Variants in MBTPS1 observed in about 807,000 individuals in gnomAD.
The protein encoded by MBTPS1 is membrane-bound transcription factor site-1 protease.
In MBTPS1, 94 loss-of-function variants were observed where a neutral mutation model predicts 127.8. The observed-to-expected ratio is 0.74, with a 90% CI of 0.62 to 0.87. The LOEUF is 0.87. Among genes scored for constraint, MBTPS1 ranks in the 40% least tolerant of loss-of-function variants. The pLI is 0.00. For missense variants in MBTPS1, 1,636 were observed against 1,353.2 expected, an observed-to-expected ratio of 1.21 and a Z score of -3.28; for synonymous variants, 632 against 509.4, an observed-to-expected ratio of 1.24 and a Z score of -3.24.
intron 6 of MBTPS1, 101 bp from the exon 7 acceptor site, chr16:84,091,949 T>C: frequency 1.4e-6 from 1 of 725,474 alleles, no homozygotes; most frequent in Non-Finnish European, 2.4e-6. Context: ...CAAGTAGTTC[T>C]CTTAATTTTT....
intron 21 of MBTPS1, 44 bp downstream of exon 21, chr16:84,059,258 A>G: frequency 1.3e-6 from 2 of 1,582,878 alleles, no homozygotes; most frequent in Non-Finnish European, 1.7e-6. Flanking sequence ...GCAATGACTC[A>G]CAAGCCCCGT....
rs1170975896 is a variant in MBTPS1, at chr16:84,112,210, T to A, written c.-325+4525A>T. 2.0e-5 allele frequency among the ~76,000 whole-genome samples: 3 copies of A among 151,394 alleles called. No individual in the cohort carries two copies. In the South Asian group the frequency reaches 6.3e-4, roughly 32 times the overall value. ...GAGAGACTGTCTCAAATGGAAACAA[T>A]GACAACAAAAAAAACCACTGAAAGA... On this transcript the variant is annotated intron_variant, in intron 1 of 22. Coordinates refer to ENST00000343411, the MANE Select transcript of MBTPS1 (RefSeq NM_003791.4).
At chr16:84,066,400 C>G in intron 17 of MBTPS1, 89 bp downstream of exon 17, 1 of 1,367,922 alleles carries the variant, frequency 7.3e-7, no homozygotes, top group Non-Finnish European at 9.9e-7. Flanking sequence ...GAGGGATCAC[C>G]ATTCTCTTTC....
intron 1 of MBTPS1, among the ~76,000 whole-genome samples, chr16:84,106,779 G>A: frequency 6.6e-6 from 1 of 152,192 alleles, no homozygotes; most frequent in East Asian, 1.9e-4. Context: ...TTCCGTACAA[G>A]AGCCAAGGGA....
Position 84,074,577 on chromosome 16 carries a change from A to C in MBTPS1, c.1593+20T>G. ...TAAGTTCACCATCAAGTCAGAGACC[A>C]AGTCAGAGAGAAGTTTCACCTTATC... On this transcript the variant is annotated intron_variant, in intron 12 of 22. Coordinates refer to ENST00000343411, the MANE Select transcript of MBTPS1 (RefSeq NM_003791.4). The C allele has an allele frequency of 1.9e-6, 3 of 1,611,016 alleles. No homozygotes were observed. In the South Asian group the frequency reaches 3.3e-5, roughly 18 times the overall value.
rs764684244 is a variant in MBTPS1 at position 84,101,772 on chromosome 16, G to A, written c.12C>T (p.Val4=). MKL[V]NIWLLLLVVL... is the part of the protein sequence containing the mutation. ...CCACGAGCAGAAGCAGCCAGATGTT[G>A]ACAAGCTTCATGGTCACAAGCGAAT... Residue 4 remains valine, a synonymous_variant, in exon 2 of 23, where the codon GTC becomes GTT. Coordinates refer to ENST00000343411, the MANE Select transcript of MBTPS1 (RefSeq NM_003791.4). 14 of 1,612,820 alleles carry A rather than the reference G, an allele frequency of 8.7e-6. No individual in the cohort carries two copies. Among genetic ancestry groups the A allele is most frequent in the Middle Eastern group, 1.7e-4 (1 of 6,056 alleles).
chr16:84,082,105 G>C (rs906518466), intron 10 of MBTPS1, 197 bp from the exon 11 acceptor site: 3 of 390,806 alleles, frequency 7.7e-6, no homozygotes, highest in Non-Finnish European at 1.4e-5. Flanking sequence ...TGACCACTCC[G>C]CAACCTTCTA....
At chr16:84,092,545 C>T (rs954857126) in intron 6 of MBTPS1, among the ~76,000 whole-genome samples, 24 of 152,134 alleles carry the variant, frequency 1.6e-4, no homozygotes, top group Admixed American at 5.2e-4. Flanking sequence ...ACAGGACACA[C>T]GGGCCAGTGA....
chr16:84,100,390 C>T (rs2151168141), intron 2 of MBTPS1, among the ~76,000 whole-genome samples: 1 of 152,198 alleles, frequency 6.6e-6, no homozygotes, highest in Admixed American at 6.5e-5. Context: ...ACTAAAAAGA[C>T]AAAATTAGCC....
In MBTPS1 at chr16:84,066,341, T is replaced by C. The variant is rs2085682585; in HGVS notation, c.2353+148A>G. The C allele has an allele frequency of 6.5e-6, 5 of 764,712 alleles. No individual in the cohort carries two copies. The Admixed American group carries it at 1.0e-4, about 16-fold the overall frequency. The allele number at this position is 764,712 out of a possible 1,614,324, so 47.4% of individuals were successfully genotyped here. On this transcript the variant is annotated intron_variant, in intron 17 of 22. Transcript: ENST00000343411. ...CTGGACAAAACTAGAGCCTCACAGA[T>C]GTACTTTTGAAAATACTGGTGAGTT...
intron 14 of MBTPS1, 68 bp from the exon 15 acceptor site, chr16:84,068,522 C>T: frequency 1.7e-6 from 2 of 1,162,176 alleles, no homozygotes; most frequent in South Asian, 1.3e-5. Flanking sequence ...TATCTGGCCA[C>T]AGGGCCGGCT....
Position 84,085,149 on chromosome 16 carries a change from A to G in MBTPS1, c.1135-15T>C. On this transcript the variant is annotated splice_polypyrimidine_tract_variant and intron_variant, in intron 9 of 22. Transcript: ENST00000343411. ...CCTGGTAGCTCCTATGAATAAAAGC[A>G]GCTTGGTTGCTACATCTCGCACATT... is the stretch of plus-strand genomic sequence containing the variant. 6.2e-7 allele frequency: 1 copy of G among 1,613,452 alleles called. No homozygotes were observed. Among genetic ancestry groups the G allele is most frequent in the East Asian group, 2.2e-5 (1 of 44,878 alleles).
intron 7 of MBTPS1, 56 bp from the exon 8 acceptor site, chr16:84,090,998 T>TGAA: frequency 1.3e-6 from 1 of 785,332 alleles, no homozygotes; most frequent in Non-Finnish European, 1.9e-6. Context: ...CATATAACTG[T>TGAA]CAAAAAAAAA....
rs1354064773 is a variant in MBTPS1, at chr16:84,060,745, G to A, written c.2641C>T (p.His881Tyr). Residue 881 changes from histidine (H) to tyrosine (Y), a missense_variant, in exon 20 of 23, where the codon CAC becomes TAC. Physicochemically the swap from His to Tyr is moderately conservative, Grantham distance 83. Transcript: ENST00000343411. ...GGAGGGCGCTGGCGGTTCCCAGAGT[G>A]ACTGAGGCTAGGCGGTGTCACCCCA... is the stretch of plus-strand genomic sequence containing the variant. ...SYGVTPPSLSHSGNRQRPPSG... is the reference protein window; with the variant it reads ...SYGVTPPSLSYSGNRQRPPSG... The A allele has an allele frequency of 6.2e-7, 1 of 1,612,586 alleles. No individual in the cohort carries two copies. Among genetic ancestry groups the A allele is most frequent in the Admixed American group, 1.7e-5 (1 of 59,836 alleles).
rs111352147 is a variant in MBTPS1 at position 84,059,044 on chromosome 16, T to G, written c.2831+258A>C. On this transcript the variant is annotated intron_variant, in intron 21 of 22. Coordinates refer to ENST00000343411, the MANE Select transcript of MBTPS1 (RefSeq NM_003791.4). The stretch of plus-strand genomic sequence containing the variant: ...TCCAGCTCCCATGAAATCACTCTGT[T>G]GGATCCCAGCTTTTTAAAAAAGAAT... Among the ~76,000 whole-genome samples the G allele has an allele frequency of 8.6e-4, 131 of 152,362 alleles. 1 individual carries two copies. The highest frequency in any genetic ancestry group is 3.0e-3 in the African/African-American group (123 of 41,590).
Position 84,099,125 on chromosome 16 carries a change from G to T in MBTPS1, c.349C>A (p.Leu117Ile). ...CGTTTGATGTTTGGATGATCTTCAA[G>T]TGTTAGCAGCCCCGCTTTCTGTTTT... ...KEKQKAGLLT[L>I]EDHPNIKRVT... The change falls in exon 3 of 23, where the codon CTT (leucine) becomes ATT (isoleucine). Residue 117 changes from leucine to isoleucine, a missense_variant. Coordinates refer to ENST00000343411, the MANE Select transcript of MBTPS1 (RefSeq NM_003791.4). 6.2e-7 allele frequency: 1 copy of T among 1,614,170 alleles called. No homozygotes were observed. The highest frequency in any genetic ancestry group is 1.1e-5 in the South Asian group (1 of 91,082).
At chr16:84,114,450 C>T (rs952714346) in intron 1 of MBTPS1, among the ~76,000 whole-genome samples, 3 of 152,128 alleles carry the variant, frequency 2.0e-5, no homozygotes, top group African/African-American at 7.2e-5. Flanking sequence ...CTCTTGTCTC[C>T]TTTTATTCTT....
intron 5 of MBTPS1, 53 bp from the exon 6 acceptor site, chr16:84,093,350 A>T: frequency 8.4e-7 from 1 of 1,189,784 alleles, no homozygotes; most frequent in Non-Finnish European, 1.3e-6. Context: ...AGCAAGTGCC[A>T]GGACGCAACA....
At chr16:84,116,063 T>C (rs898122288) in intron 1 of MBTPS1, among the ~76,000 whole-genome samples, 5 of 151,982 alleles carry the variant, frequency 3.3e-5, no homozygotes, top group South Asian at 4.1e-4. Context: ...AAAGGATGAG[T>C]CTCCAGAATT....
Sources: gnomAD v4.1 joint callset for allele counts (sites outside exome capture counted in the v4.1 genomes callset) on GRCh38, gnomAD v4.1.1 for gene constraint, MANE v1.5 for transcripts, NCBI Gene and HGNC (gene_info 2026-07-23, HGNC 2026-07-21) for gene names.